The following UBAP1 variants were observed in gnomAD, a reference collection of about 807,000 sequenced individuals.
UBAP1 encodes the protein ubiquitin-associated protein 1.
UBAP1 carries 5 observed loss-of-function variants against 39.0 expected under a neutral mutation model. The observed-to-expected ratio is 0.13, with a 90% confidence interval of 0.07 to 0.27. The LOEUF is 0.27. UBAP1 is among the 10% of genes least tolerant of loss of function. The pLI is 1.00. For synonymous variants in UBAP1, 211 were observed against 225.1 expected (o/e 0.94, Z 0.56); for missense variants, 490 against 608.1 (o/e 0.81, Z 2.04).
At position 34,181,146 on chromosome 9, in the gene UBAP1, C is replaced by T. The variant is rs1035650259; in HGVS notation, c.-8+1906C>T. Among the ~76,000 whole-genome samples the T allele has an allele frequency of 1.5e-4, 6 of 40,760 alleles. No individual in the cohort carries two copies. The East Asian group carries it at 6.3e-3, about 43-fold the overall frequency. 26.7% of individuals were successfully genotyped at this position (40,760 alleles called of 152,430 possible). A position where few individuals can be genotyped will look rare whatever the true frequency, so the allele number is the denominator to read the frequency against. The stretch of plus-strand genomic sequence containing the variant: ...TTTTTTTTTTTTTGAGACAGAGTTT[C>T]GCTCTGTGCCCAGGCTGGAGTGCAG... On this transcript the variant is annotated intron_variant, in intron 1 of 6. Coordinates refer to ENST00000297661, the MANE Select transcript of UBAP1 (RefSeq NM_016525.5).
intron 2 of UBAP1, among the ~76,000 whole-genome samples, chr9:34,222,121 C>G (rs563040404): frequency 6.6e-6 from 1 of 151,710 alleles, no homozygotes; most frequent in South Asian, 2.1e-4. Flanking sequence ...GACCCTGACT[C>G]AAACAAAAAA....
At chr9:34,246,368 AGTTT>A (rs1163066118) in intron 4 of UBAP1, among the ~76,000 whole-genome samples, 1 of 152,172 alleles carries the variant, frequency 6.6e-6, no homozygotes, top group Non-Finnish European at 1.5e-5. Context: ...TCCTGGCCTT[AGTTT>A]GTTTATGATC....
At position 34,215,641 on chromosome 9, in the gene UBAP1, T is replaced by C. The variant is rs151085037; in HGVS notation, c.-7-5267T>C. 4.6e-4 allele frequency among the ~76,000 whole-genome samples: 70 copies of C among 152,050 alleles called. No individual in the cohort carries two copies. The East Asian group carries it at 0.012, about 26-fold the overall frequency. On this transcript the variant is annotated intron_variant, in intron 1 of 6. Coordinates refer to ENST00000297661, the MANE Select transcript of UBAP1 (RefSeq NM_016525.5). ...TCACAAATCACCACTAAGGAACTTA[T>C]GTAACTGAATACCACCTGTACCCCA... is the stretch of plus-strand genomic sequence containing the variant.
At chr9:34,213,702 A>T (rs1832141976) in intron 1 of UBAP1, among the ~76,000 whole-genome samples, 1 of 152,172 alleles carries the variant, frequency 6.6e-6, no homozygotes, top group Non-Finnish European at 1.5e-5. Flanking sequence ...AAGAAAGGGC[A>T]TCCAAACTGG....
At chr9:34,180,279 G>A (rs1829940874) in intron 1 of UBAP1, among the ~76,000 whole-genome samples, 1 of 152,148 alleles carries the variant, frequency 6.6e-6, no homozygotes, top group Non-Finnish European at 1.5e-5. Flanking sequence ...CACTTTGGGA[G>A]GCCGAGGCGG....
chr9:34,239,116 C>G (rs1833838886), intron 3 of UBAP1, among the ~76,000 whole-genome samples: 2 of 152,250 alleles, frequency 1.3e-5, no homozygotes, highest in Non-Finnish European at 2.9e-5. Flanking sequence ...GCCATCTTGG[C>G]TCACTGCAAC....
At chr9:34,215,897 A>G (rs1422093639) in intron 1 of UBAP1, among the ~76,000 whole-genome samples, 1 of 152,114 alleles carries the variant, frequency 6.6e-6, no homozygotes, top group Non-Finnish European at 1.5e-5. Flanking sequence ...AAAAATCTTT[A>G]TGTGCCCAAA....
At chr9:34,243,585 G>T (rs1371466619) in intron 4 of UBAP1, among the ~76,000 whole-genome samples, 1 of 151,422 alleles carries the variant, frequency 6.6e-6, no homozygotes, top group Admixed American at 6.6e-5. Flanking sequence ...TCCCAGGGTC[G>T]GGCGATTGTC....
At chr9:34,245,658 G>C (rs1468343687) in intron 4 of UBAP1, among the ~76,000 whole-genome samples, 3 of 47,290 alleles carry the variant, frequency 6.3e-5, no homozygotes, top group Non-Finnish European at 1.3e-4. Context: ...GGGTGGGGAT[G>C]AATGGGGACT....
At chr9:34,222,147 C>A (rs934784942) in intron 2 of UBAP1, among the ~76,000 whole-genome samples, 21 of 152,074 alleles carry the variant, frequency 1.4e-4, no homozygotes, top group African/African-American at 4.8e-4. Flanking sequence ...ATATATATAT[C>A]ACATCATTTT....
chr9:34,202,754 C>A (rs934075122), intron 1 of UBAP1, among the ~76,000 whole-genome samples: 35 of 151,734 alleles, frequency 2.3e-4, no homozygotes, highest in African/African-American at 8.0e-4. Flanking sequence ...TATACATACC[C>A]TCTGCCCAGT....
chr9:34,207,456 G>A (rs183835228), intron 1 of UBAP1, among the ~76,000 whole-genome samples: 1 of 150,558 alleles, frequency 6.6e-6, no homozygotes, highest in African/African-American at 2.4e-5. Flanking sequence ...TGGCAAATTT[G>A]TATAGCAACT....
intron 2 of UBAP1, among the ~76,000 whole-genome samples, chr9:34,226,475 G>A (rs1425396212): frequency 1.3e-5 from 2 of 152,134 alleles, no homozygotes; most frequent in Non-Finnish European, 2.9e-5. Context: ...GACCTCAGGT[G>A]ATCCACCTGC....
At chr9:34,248,270 A>C (rs1056833546) in intron 4 of UBAP1, among the ~76,000 whole-genome samples, 4 of 152,006 alleles carry the variant, frequency 2.6e-5, no homozygotes, top group Non-Finnish European at 4.4e-5. Context: ...TCCTGACCTC[A>C]TGATCCACCT....
intron 4 of UBAP1, among the ~76,000 whole-genome samples, chr9:34,243,444 C>T (rs1834060367): frequency 6.6e-6 from 1 of 151,738 alleles, no homozygotes; most frequent in Admixed American, 6.6e-5. Flanking sequence ...TGCTGCCTTC[C>T]ACCTGCAGGT....
intron 2 of UBAP1, among the ~76,000 whole-genome samples, chr9:34,229,788 C>T (rs1447560164): frequency 3.9e-5 from 6 of 151,940 alleles, no homozygotes; most frequent in Non-Finnish European, 5.9e-5. Flanking sequence ...CTGCTTGCCT[C>T]GGCCTCCCAA....
At chr9:34,202,660 T>TGTGTGTGTGTGTGTGTGTGG (rs1831456861) in intron 1 of UBAP1, among the ~76,000 whole-genome samples, 1 of 147,568 alleles carries the variant, frequency 6.8e-6, no homozygotes, top group African/African-American at 2.5e-5. Flanking sequence ...TGTGTGTGTG[T>TGTGTGTGTGTGTGTGTGTGG]GTGTGTGTGT....
At chr9:34,234,519 G>A (rs933742678) in intron 3 of UBAP1, among the ~76,000 whole-genome samples, 179 bp downstream of exon 3, 23 of 152,200 alleles carry the variant, frequency 1.5e-4, no homozygotes, top group South Asian at 2.1e-4. Flanking sequence ...GGTGGCTCAC[G>A]CCTGTAATCC....
rs758834628 is a variant in UBAP1 at position 34,220,947 on chromosome 9, T to C, written c.33T>C (p.His11=). The C allele has an allele frequency of 5.0e-6, 8 of 1,612,774 alleles. No individual in the cohort carries two copies. The highest frequency in any genetic ancestry group is 3.3e-4 in the Middle Eastern group (2 of 6,058). The change falls in exon 2 of 7, where the codon CAT becomes CAC. Residue 11 remains histidine, a splice_region_variant and synonymous_variant. Coordinates refer to ENST00000297661, the MANE Select transcript of UBAP1 (RefSeq NM_016525.5). ...CTAAGAAGTTGGGTGCAGATTTTCA[T>C]GGTAAGTGGACTATTAGAATCATGG... is the stretch of plus-strand genomic sequence containing the variant. MASKKLGADF[H]GTFSYLDDVP...
Sources: allele counts gnomAD v4.1 joint callset (sites outside exome capture counted in the v4.1 genomes callset), GRCh38; gene constraint gnomAD v4.1.1; transcripts MANE v1.5; gene names NCBI Gene and HGNC (gene_info 2026-07-23, HGNC 2026-07-21).